The following KIF6 variants were observed in gnomAD, a reference collection of about 807,000 sequenced individuals.
KIF6 encodes kinesin-like protein KIF6.
In KIF6, 106 loss-of-function variants were observed where a neutral mutation model predicts 112.7. That is an observed-to-expected ratio of 0.94 (90% confidence interval 0.80 to 1.11). The LOEUF is 1.11. KIF6 is among the 50% of genes least tolerant of loss of function. KIF6 has a pLI of 0.00. For synonymous variants in KIF6, 339 were observed against 339.9 expected (o/e 1.00, Z 0.03); for missense variants, 929 against 964.0 (o/e 0.96, Z 0.48).
chr6:39,649,753 GAAA>G (rs1561897352), intron 3 of KIF6, among the ~76,000 whole-genome samples: 1,552 of 150,920 alleles, frequency 0.01, 18 homozygotes, highest in Non-Finnish European at 0.012. Flanking sequence ...AAGAAAGAAA[GAAA>G]GAAAGAAAGA....
intron 3 of KIF6, among the ~76,000 whole-genome samples, chr6:39,640,411 T>C (rs1411550127): frequency 6.6e-6 from 1 of 152,118 alleles, no homozygotes; most frequent in African/African-American, 2.4e-5. Flanking sequence ...CTTTTATAAA[T>C]ATGCATGAAA....
intron 2 of KIF6, among the ~76,000 whole-genome samples, chr6:39,719,962 GAC>G (rs1354794084): frequency 6.6e-6 from 1 of 152,052 alleles, no homozygotes; most frequent in Non-Finnish European, 1.5e-5. Flanking sequence ...CAGCCTGGGT[GAC>G]AGAGCAGGAC....
chr6:39,527,756 C>G (rs1318727843), intron 13 of KIF6, among the ~76,000 whole-genome samples: 1 of 152,154 alleles, frequency 6.6e-6, no homozygotes, highest in Non-Finnish European at 1.5e-5. Context: ...AAACAAATAT[C>G]CCTGCCAACT....
At chr6:39,447,864 A>G (rs1772429276) in intron 13 of KIF6, among the ~76,000 whole-genome samples, 1 of 152,020 alleles carries the variant, frequency 6.6e-6, no homozygotes, top group Non-Finnish European at 1.5e-5. Context: ...ATCCCCAGTG[A>G]TCCTGGATTG....
At chr6:39,689,502 A>T (rs778837057) in intron 3 of KIF6, among the ~76,000 whole-genome samples, 6 of 152,166 alleles carry the variant, frequency 3.9e-5, no homozygotes, top group Non-Finnish European at 7.3e-5. Flanking sequence ...TTCTCAAAAA[A>T]TAGTAATAAT....
chr6:39,703,246 A>G (rs944691871), intron 3 of KIF6, among the ~76,000 whole-genome samples: 5 of 152,160 alleles, frequency 3.3e-5, no homozygotes, highest in Non-Finnish European at 7.3e-5. Context: ...TAGTGAATTT[A>G]GCAAGGATGA....
At chr6:39,408,068 C>G (rs1478630739) in intron 15 of KIF6, among the ~76,000 whole-genome samples, 1 of 152,124 alleles carries the variant, frequency 6.6e-6, no homozygotes, top group South Asian at 2.1e-4. Context: ...TCCTACAACT[C>G]AGAAAGAGAA....
chr6:39,662,823 C>T (rs111918350), intron 3 of KIF6, among the ~76,000 whole-genome samples: 1 of 152,186 alleles, frequency 6.6e-6, no homozygotes, highest in Non-Finnish European at 1.5e-5. Flanking sequence ...TGTCTGCACA[C>T]ACACATAGTC....
intron 13 of KIF6, among the ~76,000 whole-genome samples, chr6:39,513,523 C>T (rs1397793788): frequency 6.6e-6 from 1 of 152,160 alleles, no homozygotes; most frequent in Non-Finnish European, 1.5e-5. Context: ...TAGTCAAAAC[C>T]TCTGGATCTT....
chr6:39,443,146 AT>A (rs1772046274), intron 13 of KIF6, among the ~76,000 whole-genome samples: 4 of 141,392 alleles, frequency 2.8e-5, no homozygotes, highest in Admixed American at 7.3e-5. Context: ...AATAATAATA[AT>A]AATAATAATA....
chr6:39,713,550 A>G lies in KIF6; in HGVS notation c.251+1142T>C, dbSNP rs1377373240. ...AGGAAAACCCAGGCATCCATGAAAA[A>G]GAAACTTAAGGTTCCCTTCCTGAAT... On this transcript the variant is annotated intron_variant, in intron 3 of 22. Transcript: ENST00000287152. Among the ~76,000 whole-genome samples the G allele has an allele frequency of 2.6e-5, 4 of 152,210 alleles. 1 individual carries two copies. Among genetic ancestry groups the G allele is most frequent in the Non-Finnish European group, 5.9e-5 (4 of 68,046 alleles).
chr6:39,354,936 G>A (rs993049137), intron 19 of KIF6, among the ~76,000 whole-genome samples: 10 of 152,198 alleles, frequency 6.6e-5, no homozygotes, highest in African/African-American at 2.2e-4. Context: ...CCAGCACTTT[G>A]AGAGGCCAAG....
chr6:39,492,236 C>G (rs1342085568), intron 13 of KIF6, among the ~76,000 whole-genome samples: 6 of 152,196 alleles, frequency 3.9e-5, no homozygotes, highest in Non-Finnish European at 8.8e-5. Context: ...TGCTGCACAG[C>G]AGGCTCACAG....
Position 39,560,992 on chromosome 6 carries a change from T to C in KIF6, c.1182-15304A>G, listed in dbSNP as rs138260389. 5.9e-3 allele frequency among the ~76,000 whole-genome samples: 901 copies of C among 152,372 alleles called. 6 individuals are homozygous for C. The highest frequency in any genetic ancestry group is 0.017 in the South Asian group (83 of 4,832). On this transcript the variant is annotated intron_variant, in intron 10 of 22. Coordinates refer to ENST00000287152, the MANE Select transcript of KIF6 (RefSeq NM_145027.6). ...TGTTGCATACACTCCTGAGATTATG[T>C]AATTGCAGTAGGAAGTCTCTGCATT...
intron 3 of KIF6, among the ~76,000 whole-genome samples, chr6:39,659,685 C>T (rs1786017944): frequency 6.6e-6 from 1 of 152,174 alleles, no homozygotes. Flanking sequence ...TCTCCTGCCA[C>T]CATGTGAAGA....
At chr6:39,399,435 C>T (rs1312729643) in intron 15 of KIF6, among the ~76,000 whole-genome samples, 2 of 152,136 alleles carry the variant, frequency 1.3e-5, no homozygotes, top group African/African-American at 2.4e-5. Flanking sequence ...ACTAAAGAAC[C>T]GCCTGTCTCA....
chr6:39,540,615 G>T (rs904450839), intron 12 of KIF6, among the ~76,000 whole-genome samples: 3 of 152,248 alleles, frequency 2.0e-5, no homozygotes, highest in Admixed American at 2.0e-4. Flanking sequence ...CCCTGGGCGA[G>T]CACGCGCCTG....
At chr6:39,499,392 C>A (rs1309595542) in intron 13 of KIF6, among the ~76,000 whole-genome samples, 1 of 151,658 alleles carries the variant, frequency 6.6e-6, no homozygotes, top group East Asian at 1.9e-4. Context: ...AAAGCATGAG[C>A]CAAAAATATG....
chr6:39,539,810 A>C (rs1382021545), intron 13 of KIF6, among the ~76,000 whole-genome samples, 193 bp downstream of exon 13: 2 of 152,180 alleles, frequency 1.3e-5, no homozygotes, highest in Non-Finnish European at 1.5e-5. Context: ...AATTCTGAGA[A>C]AATTCATAGT....
Sources: allele counts gnomAD v4.1 joint callset (sites outside exome capture counted in the v4.1 genomes callset), GRCh38; gene constraint gnomAD v4.1.1; transcripts MANE v1.5; gene names NCBI Gene and HGNC (gene_info 2026-07-23, HGNC 2026-07-21).